PTPRQ: variants seen among roughly 807,000 people sequenced by gnomAD.
PTPRQ encodes protein tyrosine phosphatase receptor type Q.
In PTPRQ, 199 loss-of-function variants were observed where a neutral mutation model predicts 246.0. That is an observed-to-expected ratio of 0.81 (90% confidence interval 0.72 to 0.91). PTPRQ has a LOEUF of 0.91. PTPRQ is among the 40% of genes least tolerant of loss of function. The pLI is 0.00. For missense variants in PTPRQ, 2,624 were observed against 2,528.4 expected, an observed-to-expected ratio of 1.04 and a Z score of -0.81; for synonymous variants, 869 against 853.2, an observed-to-expected ratio of 1.02 and a Z score of -0.32.
Position 80,510,409 on chromosome 12 carries a change from A to C in PTPRQ, c.2644A>C (p.Asn882His). The C allele has an allele frequency of 6.4e-7, 1 of 1,550,482 alleles. No individual in the cohort carries two copies. Among genetic ancestry groups the C allele is most frequent in the Non-Finnish European group, 8.7e-7 (1 of 1,146,146 alleles). The change falls in exon 17 of 45, where the codon AAT (asparagine) becomes CAT (histidine). Residue 882 changes from asparagine (N) to histidine (H), a missense_variant. Asn to His is a moderately conservative substitution (Grantham distance 68). Coordinates refer to ENST00000644991, the MANE Select transcript of PTPRQ (RefSeq NM_001145026.2). ...GTCATGGCAACCACCCCTGGAGCCA[A>C]ATGGAATTATCCTTTATTACACAGT... ...KLSWQPPLEP[N>H]GIILYYTVYV...
intron 39 of PTPRQ, among the ~76,000 whole-genome samples, chr12:80,665,579 G>A (rs1285338202): frequency 1.6e-4 from 24 of 151,792 alleles, no homozygotes; most frequent in Admixed American, 1.6e-3. Flanking sequence ...AACACAGGCA[G>A]TAAAAGCAAA....
In PTPRQ at chr12:80,542,160, C is replaced by A. The variant is rs981621137; in HGVS notation, c.3517C>A (p.Pro1173Thr). 1.3e-6 allele frequency: 2 copies of A among 1,550,784 alleles called. No individual in the cohort carries two copies. Among genetic ancestry groups the A allele is most frequent in the African/African-American group, 2.7e-5 (2 of 72,968 alleles). Residue 1173 changes from proline (P) to threonine (T), a missense_variant, in exon 22 of 45, where the codon CCC (proline) becomes ACC (threonine). Physicochemically the swap from Pro to Thr is conservative, Grantham distance 38. Transcript: ENST00000644991. The stretch of plus-strand genomic sequence containing the variant: ...TACCTCAGTTCTCTTATCATGGGAT[C>A]CCCCAGTAAAGCCAAATGGTGCAAT... ...SSTSVLLSWDPPVKPNGAIIS... is the reference protein window; with the variant it reads ...SSTSVLLSWDTPVKPNGAIIS...
intron 3 of PTPRQ, among the ~76,000 whole-genome samples, chr12:80,447,539 T>C (rs1228055051): frequency 6.6e-6 from 1 of 152,052 alleles, no homozygotes; most frequent in Non-Finnish European, 1.5e-5. Context: ...TCAGGTTTTA[T>C]ATTTAAGTCC....
At chr12:80,620,417 C>G in intron 32 of PTPRQ, 41 bp downstream of exon 32, 1 of 1,543,162 alleles carries the variant, frequency 6.5e-7, no homozygotes, top group Non-Finnish European at 8.7e-7. Flanking sequence ...TGTTAGCAAG[C>G]TAGTTAGTAT....
At chr12:80,519,877 T>C (rs1348520790) in intron 17 of PTPRQ, among the ~76,000 whole-genome samples, 1 of 152,142 alleles carries the variant, frequency 6.6e-6, no homozygotes, top group Admixed American at 6.6e-5. Flanking sequence ...GCTGTAATTA[T>C]GGCTTGTGGA....
chr12:80,478,953 CA>C (rs1893926832), intron 8 of PTPRQ, among the ~76,000 whole-genome samples: 2 of 152,094 alleles, frequency 1.3e-5, no homozygotes, highest in African/African-American at 4.8e-5. Context: ...AAACACTCTG[CA>C]GGATATTATC....
At chr12:80,634,357 G>T (rs1381013542) in intron 34 of PTPRQ, among the ~76,000 whole-genome samples, 1 of 152,244 alleles carries the variant, frequency 6.6e-6, no homozygotes, top group Non-Finnish European at 1.5e-5. Context: ...AAGATGAAAA[G>T]AATCTGATTT....
At chr12:80,585,267 C>T (rs1375606048) in intron 25 of PTPRQ, among the ~76,000 whole-genome samples, 4 of 152,084 alleles carry the variant, frequency 2.6e-5, no homozygotes, top group Non-Finnish European at 5.9e-5. Context: ...AATCCATAAA[C>T]CTTAGGGCAT....
At chr12:80,596,643 G>C (rs1469262086) in intron 26 of PTPRQ, among the ~76,000 whole-genome samples, 2 of 152,004 alleles carry the variant, frequency 1.3e-5, no homozygotes, top group East Asian at 3.9e-4. Flanking sequence ...GAAGTGTAAA[G>C]TAGGTGTAAT....
At chr12:80,537,760 A>G (rs1896030799) in intron 19 of PTPRQ, among the ~76,000 whole-genome samples, 1 of 152,042 alleles carries the variant, frequency 6.6e-6, no homozygotes, top group Non-Finnish European at 1.5e-5. Flanking sequence ...CTACTTTTTA[A>G]GTTTTACCCA....
chr12:80,590,893 CCT>C (rs1320773920), intron 26 of PTPRQ, among the ~76,000 whole-genome samples: 2 of 151,748 alleles, frequency 1.3e-5, no homozygotes, highest in South Asian at 2.1e-4. Context: ...CTTTGTATTC[CCT>C]GTTTCTTTTG....
At chr12:80,668,977 G>A in intron 39 of PTPRQ, 30 bp from the exon 40 acceptor site, 3 of 1,538,290 alleles carry the variant, frequency 2.0e-6, no homozygotes, top group Non-Finnish European at 1.8e-6. Flanking sequence ...TGAACACAGT[G>A]ATGCAGTGTT....
chr12:80,545,482 CATA>C (rs1896275783), intron 23 of PTPRQ, among the ~76,000 whole-genome samples: 1 of 151,956 alleles, frequency 6.6e-6, no homozygotes, highest in Non-Finnish European at 1.5e-5. Context: ...ATTTATATCA[CATA>C]GGAGATTATC....
chr12:80,484,381 AAAAATAT>A, intron 8 of PTPRQ, 45 bp from the exon 9 acceptor site: 1 of 1,445,702 alleles, frequency 6.9e-7, no homozygotes, highest in Non-Finnish European at 9.0e-7. Flanking sequence ...TTTCACTTGA[AAAAATAT>A]TTTTAATTTC....
chr12:80,529,640 T>C (rs1005060832), intron 17 of PTPRQ, among the ~76,000 whole-genome samples: 3 of 152,112 alleles, frequency 2.0e-5, no homozygotes, highest in Non-Finnish European at 4.4e-5. Context: ...ATTTCTTTTA[T>C]GCACTAGATG....
At chr12:80,670,982 A>G (rs1043471397) in intron 42 of PTPRQ, among the ~76,000 whole-genome samples, 18 of 152,098 alleles carry the variant, frequency 1.2e-4, no homozygotes, top group African/African-American at 4.1e-4. Context: ...TTCATCTTTC[A>G]CCACAATAAA....
At position 80,468,793 on chromosome 12, in the gene PTPRQ, G is replaced by A. The variant is rs1312342664; in HGVS notation, c.994G>A (p.Val332Ile). The change falls in exon 7 of 45, where the codon GTA becomes ATA. Residue 332 changes from valine (V) to isoleucine (I), a missense_variant. Transcript: ENST00000644991. ...AATTTTATGGGACCCACCAACTATA[G>A]TAACAGGGAAATTTAGTTATAGAGT... is the stretch of plus-strand genomic sequence containing the variant. Reference protein sequence around the residue: ...FSILWDPPTIVTGKFSYRVEL... With the variant: ...FSILWDPPTIITGKFSYRVEL... 4.5e-6 allele frequency: 7 copies of A among 1,550,014 alleles called. No individual in the cohort carries two copies. Among genetic ancestry groups the A allele is most frequent in the African/African-American group, 1.4e-5 (1 of 72,998 alleles).
chr12:80,506,734 G>T, intron 16 of PTPRQ, 64 bp downstream of exon 16: 1 of 1,421,110 alleles, frequency 7.0e-7, no homozygotes, highest in Non-Finnish European at 9.4e-7. Flanking sequence ...CACACGTATA[G>T]AATGAAACAA....
chr12:80,537,243 C>T (rs1219666690), intron 19 of PTPRQ, among the ~76,000 whole-genome samples: 1 of 152,184 alleles, frequency 6.6e-6, no homozygotes, highest in Non-Finnish European at 1.5e-5. Context: ...AATACCTTCA[C>T]TACCTAATTT....
Sources: allele counts gnomAD v4.1 joint callset (sites outside exome capture counted in the v4.1 genomes callset), GRCh38; gene constraint gnomAD v4.1.1; transcripts MANE v1.5; gene names NCBI Gene and HGNC (gene_info 2026-07-23, HGNC 2026-07-21).